Variants in ATRNL1 observed in about 807,000 individuals in gnomAD.
The protein encoded by ATRNL1 is attractin like 1, also known as attractin-like protein 1.
ATRNL1 carries 95 observed loss-of-function variants against 182.7 expected under a neutral mutation model. The ratio of observed to expected loss-of-function variants is 0.52; its 90% CI spans 0.44 to 0.62. The LOEUF is 0.62. ATRNL1 is among the 20% of genes least tolerant of loss of function. The pLI is 0.00. For missense variants in ATRNL1, 1,471 were observed against 1,679.5 expected (o/e 0.88, Z 2.17); for synonymous variants, 576 against 568.3 (o/e 1.01, Z -0.19).
intron 3 of ATRNL1, 114 bp from the exon 4 acceptor site, chr10:115,127,479 A>G: frequency 1.3e-6 from 1 of 793,634 alleles, no homozygotes; most frequent in Non-Finnish European, 1.9e-6. Flanking sequence ...TTAGTTGCCC[A>G]TTCTGACGTA....
intron 8 of ATRNL1, among the ~76,000 whole-genome samples, chr10:115,173,786 T>C (rs1259775049): frequency 5.3e-5 from 8 of 151,860 alleles, no homozygotes; most frequent in Non-Finnish European, 1.2e-4. Context: ...GGTCAGTCTT[T>C]TCCTAGTATA....
Position 115,093,616 on chromosome 10 carries a change from G to T in ATRNL1, c.-135G>T, listed in dbSNP as rs1554862139. ...GGGATCTGTCCCTCCTGACCGGGGA[G>T]CGGGACTCGGACGGGCGCCGGTGAG... is the stretch of plus-strand genomic sequence containing the variant. On this transcript the variant is annotated 5_prime_UTR_variant, in exon 1 of 29. Transcript: ENST00000355044. The surrounding 1 kb of genome is among the most constrained non-coding windows in gnomAD (Gnocchi z 6.1). 9.8e-7 allele frequency: 1 copy of T among 1,017,290 alleles called. No homozygotes were observed. The highest frequency in any genetic ancestry group is 1.4e-5 in the South Asian group (1 of 71,908). The allele number at this position is 1,017,290 out of a possible 1,614,324, so 63.0% of individuals were successfully genotyped here. A position where few individuals can be genotyped will look rare whatever the true frequency, so the allele number is the denominator to read the frequency against.
chr10:115,458,215 T>C (rs1279675493), intron 21 of ATRNL1, among the ~76,000 whole-genome samples: 2 of 152,160 alleles, frequency 1.3e-5, no homozygotes, highest in Non-Finnish European at 2.9e-5. Context: ...AAGTGCCAGG[T>C]AAATTTTCCA....
intron 6 of ATRNL1, among the ~76,000 whole-genome samples, chr10:115,162,376 T>C (rs1846830577): frequency 6.6e-6 from 1 of 151,972 alleles, no homozygotes; most frequent in African/African-American, 2.4e-5. Flanking sequence ...TGCAGTTATT[T>C]GTAGGCGCAG....
At chr10:115,430,394 A>G (rs544379484) in intron 21 of ATRNL1, among the ~76,000 whole-genome samples, 24 of 151,936 alleles carry the variant, frequency 1.6e-4, no homozygotes, top group African/African-American at 5.1e-4. Flanking sequence ...TGTTTTGCCT[A>G]TATTTGCTAT....
Position 115,208,748 on chromosome 10 carries a change from T to G in ATRNL1, c.1349-6949T>G, listed in dbSNP as rs535005108. Among the ~76,000 whole-genome samples the G allele has an allele frequency of 2.0e-5, 3 of 152,172 alleles. No homozygotes were observed. In the East Asian group the frequency reaches 5.8e-4, roughly 29 times the overall value. ...TTAAGTAGTTTTCCCGTTTTGCACA[T>G]GCAGATCAGTACTCAGCTAAAGACA... On this transcript the variant is annotated intron_variant, in intron 8 of 28. Transcript: ENST00000355044.
intron 27 of ATRNL1, among the ~76,000 whole-genome samples, chr10:115,816,546 A>C (rs1950169454): frequency 6.6e-6 from 1 of 152,074 alleles, no homozygotes; most frequent in African/African-American, 2.4e-5. Context: ...ACAGACACAT[A>C]CATATATTAC....
At chr10:115,649,833 T>C (rs1048017333) in intron 26 of ATRNL1, among the ~76,000 whole-genome samples, 9 of 152,114 alleles carry the variant, frequency 5.9e-5, no homozygotes, top group Non-Finnish European at 1.0e-4. Context: ...AGGAAGCAGT[T>C]AAGTGGAGTT....
chr10:115,093,948 C>T lies in ATRNL1; in HGVS notation c.198C>T (p.Thr66=). Residue 66 remains threonine, a synonymous_variant, in exon 1 of 29, where the codon ACC becomes ACT. Transcript: ENST00000355044. This position sits in a 1 kb window ranked among gnomAD's most constrained non-coding sequence, Gnocchi z 6.1. ...CCCAGTCCAAGCCGTGCGAGAGGAC[C>T]GGCTCCTGCTTCTCGGGCCGCTGTG... ...QVSQSKPCER[T]GSCFSGRCVN... The T allele has an allele frequency of 6.3e-7, 1 of 1,590,866 alleles. No individual in the cohort carries two copies.
intron 25 of ATRNL1, among the ~76,000 whole-genome samples, chr10:115,543,715 T>G (rs1197826631): frequency 6.6e-6 from 1 of 152,176 alleles, no homozygotes; most frequent in Non-Finnish European, 1.5e-5. Flanking sequence ...TATATTGAAT[T>G]CTTTTAATTT....
chr10:115,317,748 A>G (rs1854374441), intron 18 of ATRNL1, among the ~76,000 whole-genome samples: 1 of 152,200 alleles, frequency 6.6e-6, no homozygotes, highest in Non-Finnish European at 1.5e-5. Flanking sequence ...TTGATTTTGT[A>G]TCCTGAGACT....
At chr10:115,230,982 T>C (rs1554899896) in intron 9 of ATRNL1, among the ~76,000 whole-genome samples, 1 of 147,278 alleles carries the variant, frequency 6.8e-6, no homozygotes, top group African/African-American at 2.5e-5. Context: ...AAGCATGGAG[T>C]TGGCATTAGT....
intron 27 of ATRNL1, among the ~76,000 whole-genome samples, chr10:115,804,775 C>T (rs1308044132): frequency 1.3e-5 from 2 of 152,120 alleles, no homozygotes; most frequent in African/African-American, 2.4e-5. Flanking sequence ...CTCTATACCT[C>T]TCCCAAGTAG....
intron 10 of ATRNL1, among the ~76,000 whole-genome samples, chr10:115,250,080 G>T (rs1199466842): frequency 6.6e-6 from 1 of 152,122 alleles, no homozygotes; most frequent in African/African-American, 2.4e-5. Flanking sequence ...CCATAGGGAG[G>T]GGTGTTGATG....
chr10:115,618,910 C>T (rs986532803), intron 26 of ATRNL1, among the ~76,000 whole-genome samples: 1 of 152,078 alleles, frequency 6.6e-6, no homozygotes, highest in Non-Finnish European at 1.5e-5. Flanking sequence ...TGTGTTCATA[C>T]CTGGATGTCT....
chr10:115,200,944 A>G (rs1445926196), intron 8 of ATRNL1, among the ~76,000 whole-genome samples: 1 of 150,382 alleles, frequency 6.6e-6, no homozygotes, highest in Non-Finnish European at 1.5e-5. Flanking sequence ...ATGGTATCTC[A>G]TTGTGGTTTT....
chr10:115,674,738 G>A (rs1355641082), intron 26 of ATRNL1, among the ~76,000 whole-genome samples: 12 of 152,020 alleles, frequency 7.9e-5, no homozygotes, highest in African/African-American at 2.9e-4. Flanking sequence ...TGTCATACAT[G>A]TATTATTTTT....
chr10:115,142,024 T>C (rs549554030), intron 5 of ATRNL1, among the ~76,000 whole-genome samples: 1 of 152,182 alleles, frequency 6.6e-6, no homozygotes, highest in East Asian at 1.9e-4. Context: ...CTCTAGGTCC[T>C]TGGGATACAT....
chr10:115,895,957 C>T (rs777459050), intron 28 of ATRNL1, among the ~76,000 whole-genome samples: 76 of 152,108 alleles, frequency 5.0e-4, no homozygotes, highest in Middle Eastern at 3.4e-3. Context: ...TTTACTAATT[C>T]GATCTACCAG....
Sources: gnomAD v4.1 joint callset for allele counts (sites outside exome capture counted in the v4.1 genomes callset) on GRCh38, gnomAD v4.1.1 for gene constraint, Gnocchi (gnomAD v3.1) non-coding constraint, MANE v1.5 for transcripts, NCBI Gene and HGNC (gene_info 2026-07-23, HGNC 2026-07-21) for gene names.